The following CCBE1 variants were observed in gnomAD, a reference collection of about 807,000 sequenced individuals.
The protein encoded by CCBE1 is collagen and calcium-binding EGF domain-containing protein 1.
Under a neutral mutation model 50.0 loss-of-function variants are expected in CCBE1, and 37 were observed. The ratio of observed to expected loss-of-function variants is 0.74; its 90% confidence interval spans 0.57 to 0.97. The LOEUF is 0.97. CCBE1 is among the 50% of genes least tolerant of loss of function. The pLI is 0.00. For missense variants in CCBE1, 538 were observed against 523.8 expected (o/e 1.03, Z -0.26); for synonymous variants, 234 against 203.7 (o/e 1.15, Z -1.27).
intron 2 of CCBE1, among the ~76,000 whole-genome samples, chr18:59,681,698 G>T (rs2054590719): frequency 6.6e-6 from 1 of 152,198 alleles, no homozygotes; most frequent in African/African-American, 2.4e-5. Context: ...CCACTTTAAA[G>T]CATAGACCTG....
chr18:59,606,711 A>G (rs911102238), intron 2 of CCBE1, among the ~76,000 whole-genome samples: 1 of 152,188 alleles, frequency 6.6e-6, no homozygotes, highest in Non-Finnish European at 1.5e-5. Context: ...AGAAGGAAAA[A>G]AAACAACCAA....
intron 2 of CCBE1, among the ~76,000 whole-genome samples, chr18:59,511,025 T>C (rs1254565611): frequency 1.3e-5 from 2 of 152,212 alleles, no homozygotes; most frequent in Non-Finnish European, 2.9e-5. Flanking sequence ...CTAGAGCCTA[T>C]GTCTGACCCC....
intron 2 of CCBE1, among the ~76,000 whole-genome samples, chr18:59,580,857 G>T (rs2053074196): frequency 2.6e-5 from 4 of 152,224 alleles, no homozygotes; most frequent in Admixed American, 6.5e-5. Flanking sequence ...GAATGCTGAA[G>T]TGGCCATGAC....
intron 2 of CCBE1, among the ~76,000 whole-genome samples, chr18:59,597,632 G>C (rs2053372843): frequency 6.6e-6 from 1 of 152,168 alleles, no homozygotes; most frequent in Non-Finnish European, 1.5e-5. Context: ...GCAGTAAAGT[G>C]TTCACCTAGA....
intron 2 of CCBE1, among the ~76,000 whole-genome samples, chr18:59,585,186 A>T (rs867621549): frequency 3.3e-5 from 5 of 151,750 alleles, no homozygotes; most frequent in African/African-American, 1.2e-4. Flanking sequence ...CTCACCCTTC[A>T]GATCTCGTAA....
intron 2 of CCBE1, among the ~76,000 whole-genome samples, chr18:59,661,317 G>T (rs779706775): frequency 7.9e-5 from 12 of 152,328 alleles, no homozygotes; most frequent in Non-Finnish European, 1.8e-4. Flanking sequence ...TGGTCTGGGG[G>T]TTAAGAATCC....
chr18:59,610,894 C>T (rs1480542310), intron 2 of CCBE1, among the ~76,000 whole-genome samples: 1 of 152,236 alleles, frequency 6.6e-6, no homozygotes, highest in Non-Finnish European at 1.5e-5. Context: ...AGCAAAAGGG[C>T]AAGGGTTTGA....
chr18:59,547,080 A>AGGGGGACAGAGGGGGAGAGAGAGGG (rs1491575459), intron 2 of CCBE1, among the ~76,000 whole-genome samples: 1 of 106,634 alleles, frequency 9.4e-6, no homozygotes, highest in Non-Finnish European at 1.9e-5. Flanking sequence ...AGGGGGAGAG[A>AGGGGGACAGAGGGGGAGAGAGAGGG]AAGGGAGAGA....
chr18:59,516,460 G>T (rs979313711), intron 2 of CCBE1, among the ~76,000 whole-genome samples: 5 of 152,182 alleles, frequency 3.3e-5, no homozygotes, highest in African/African-American at 1.2e-4. Flanking sequence ...TCAAGTGGCC[G>T]ATAGTAGCTG....
chr18:59,613,080 G>C (rs903653251), intron 2 of CCBE1, among the ~76,000 whole-genome samples: 3 of 152,012 alleles, frequency 2.0e-5, no homozygotes, highest in Admixed American at 1.3e-4. Flanking sequence ...CTTGAGGTGG[G>C]GAGTGGGGTG....
chr18:59,690,018 A>G (rs529374505), intron 2 of CCBE1, among the ~76,000 whole-genome samples: 1 of 152,174 alleles, frequency 6.6e-6, no homozygotes, highest in Non-Finnish European at 1.5e-5. Flanking sequence ...GTCCAAAACA[A>G]GTATCTTAAA....
intron 2 of CCBE1, among the ~76,000 whole-genome samples, chr18:59,537,748 C>A (rs933843094): frequency 6.6e-6 from 1 of 152,120 alleles, no homozygotes; most frequent in African/African-American, 2.4e-5. Context: ...TTTGGTGACT[C>A]CTCCTTCTGT....
At chr18:59,479,603 C>A (rs529488760) in intron 3 of CCBE1, among the ~76,000 whole-genome samples, 1 of 152,202 alleles carries the variant, frequency 6.6e-6, no homozygotes, top group Non-Finnish European at 1.5e-5. Context: ...TAGAAAGTAA[C>A]CTGAACTTGC....
intron 3 of CCBE1, among the ~76,000 whole-genome samples, chr18:59,478,412 A>G (rs1468272678): frequency 6.6e-6 from 1 of 152,238 alleles, no homozygotes; most frequent in Non-Finnish European, 1.5e-5. Flanking sequence ...TATCTTTAGT[A>G]AAAGAAACAA....
At chr18:59,460,072 T>C (rs1911388824) in intron 5 of CCBE1, among the ~76,000 whole-genome samples, 2 of 152,234 alleles carry the variant, frequency 1.3e-5, no homozygotes, top group South Asian at 2.1e-4. Context: ...TGTCTCCCTA[T>C]TGAGGCTACA....
chr18:59,555,825 A>G (rs1434605248), intron 2 of CCBE1, among the ~76,000 whole-genome samples: 2 of 152,254 alleles, frequency 1.3e-5, no homozygotes, highest in African/African-American at 2.4e-5. Flanking sequence ...AAGAAGGTCA[A>G]TGTTACAGTC....
intron 2 of CCBE1, among the ~76,000 whole-genome samples, chr18:59,523,997 G>A (rs938668880): frequency 3.3e-4 from 51 of 152,246 alleles, no homozygotes; most frequent in African/African-American, 1.1e-3. Context: ...CTCCTTTACC[G>A]AAACAAGCCT....
intron 2 of CCBE1, among the ~76,000 whole-genome samples, chr18:59,609,617 C>G (rs1568232430): frequency 6.6e-6 from 1 of 152,204 alleles, no homozygotes; most frequent in Non-Finnish European, 1.5e-5. Flanking sequence ...TAGTCATGGA[C>G]TTCTTACTTT....
Position 59,599,193 on chromosome 18 carries a change from G to A in CCBE1, c.212+97436C>T, listed in dbSNP as rs903293191. ...GAGGAAGCAAGAAGGAAGAAGATGG[G>A]AAAAGAGGAAGAAAGGAGAGATGAA... On this transcript the variant is annotated intron_variant, in intron 2 of 10. Transcript: ENST00000439986. Among the ~76,000 whole-genome samples, 16 of 152,244 alleles carry A rather than the reference G, an allele frequency of 1.1e-4. 1 individual carries two copies. The East Asian group carries it at 1.2e-3, about 11-fold the overall frequency.
Sources: gnomAD v4.1 joint callset for allele counts (sites outside exome capture counted in the v4.1 genomes callset) on GRCh38, gnomAD v4.1.1 for gene constraint, MANE v1.5 for transcripts, NCBI Gene and HGNC (gene_info 2026-07-23, HGNC 2026-07-21) for gene names.